DNM3: variants seen among roughly 807,000 people sequenced by gnomAD.
DNM3 encodes the protein dynamin-3.
In DNM3, 47 loss-of-function variants were observed where a neutral mutation model predicts 101.6. The observed-to-expected ratio is 0.46, with a 90% CI of 0.37 to 0.59. The LOEUF (loss-of-function observed/expected upper bound fraction) is 0.59. Ranked by LOEUF, DNM3 falls within the 20% of genes least tolerant of loss-of-function variation. DNM3 has a pLI of 0.00. For missense variants in DNM3, 849 were observed against 1,085.7 expected (o/e 0.78, Z 3.06); for synonymous variants, 385 against 387.9 (o/e 0.99, Z 0.09).
chr1:172,412,551 T>C lies in DNM3; in HGVS notation c.*4710T>C. On this transcript the variant is annotated 3_prime_UTR_variant, in exon 21 of 21. Transcript: ENST00000627582. ...AATATGAGCCGGATACTTTCCACTG[T>C]CTTCTTGGCACTTTCAGGATTTCTT... 1.0e-6 allele frequency: 1 copy of C among 985,798 alleles called. No homozygotes were observed. Among genetic ancestry groups the C allele is most frequent in the Non-Finnish European group, 1.2e-6 (1 of 829,866 alleles). The allele number at this position is 985,798 out of a possible 1,614,324, so 61.1% of individuals were successfully genotyped here.
chr1:172,369,572 C>T (rs530006247), intron 17 of DNM3, among the ~76,000 whole-genome samples: 2 of 152,006 alleles, frequency 1.3e-5, no homozygotes, highest in South Asian at 4.2e-4. Context: ...ACAATGATGT[C>T]CACTTTCTCT....
Position 172,379,202 on chromosome 1 carries a change from C to G in DNM3, c.2058+20C>G. 1 of 1,575,090 alleles carries G rather than the reference C, an allele frequency of 6.3e-7. No homozygotes were observed. Among genetic ancestry groups the G allele is most frequent in the Non-Finnish European group, 8.7e-7 (1 of 1,155,650 alleles). On this transcript the variant is annotated intron_variant, in intron 18 of 20. Transcript: ENST00000627582. ...AATAACGTAAGTGATTATAAACTAC[C>G]TCCATTTAACTTCTAACCCATCCGA... is the stretch of plus-strand genomic sequence containing the variant.
chr1:172,016,140 T>C (rs899928924), intron 4 of DNM3, among the ~76,000 whole-genome samples: 1 of 151,452 alleles, frequency 6.6e-6, no homozygotes, highest in Non-Finnish European at 1.5e-5. Flanking sequence ...TGAGCCAAGA[T>C]TGTGCCACTG....
chr1:172,255,689 C>A (rs1553210776), intron 15 of DNM3, among the ~76,000 whole-genome samples: 1 of 152,050 alleles, frequency 6.6e-6, no homozygotes, highest in Non-Finnish European at 1.5e-5. Flanking sequence ...TATAGATGTA[C>A]CCACATTGGC....
chr1:172,098,039 A>C, intron 13 of DNM3, among the ~76,000 whole-genome samples: 1 of 152,322 alleles, frequency 6.6e-6, no homozygotes, highest in African/African-American at 2.4e-5. Flanking sequence ...CCACAGGACC[A>C]GGGTGAAATT....
chr1:171,955,814 G>A (rs1428772355), intron 2 of DNM3, among the ~76,000 whole-genome samples: 1 of 152,098 alleles, frequency 6.6e-6, no homozygotes, highest in African/African-American at 2.4e-5. Flanking sequence ...GAGGTTTAAT[G>A]GACTCATAGT....
intron 17 of DNM3, among the ~76,000 whole-genome samples, chr1:172,346,261 G>C (rs1197660389): frequency 1.3e-5 from 2 of 152,130 alleles, no homozygotes; most frequent in South Asian, 2.1e-4. Flanking sequence ...ATCCCAGACA[G>C]AGTAACAGTA....
At chr1:172,220,542 G>A (rs555145401) in intron 14 of DNM3, among the ~76,000 whole-genome samples, 77 of 152,240 alleles carry the variant, frequency 5.1e-4, no homozygotes, top group African/African-American at 1.8e-3. Context: ...TGACAGATGA[G>A]CTTTATATTT....
chr1:172,077,256 CA>C (rs1296479885), intron 11 of DNM3, among the ~76,000 whole-genome samples: 3 of 151,306 alleles, frequency 2.0e-5, no homozygotes, highest in Admixed American at 6.6e-5. Context: ...TTAATCTTTT[CA>C]AAAAAAACAG....
chr1:171,842,001 T>C (rs1369522761), intron 1 of DNM3, among the ~76,000 whole-genome samples, 184 bp downstream of exon 1: 1 of 152,068 alleles, frequency 6.6e-6, no homozygotes, highest in Admixed American at 6.5e-5. Context: ...CCTCCAGCTC[T>C]GGGCATCCTC....
rs79435403 is a variant in DNM3, at chr1:171,898,944, G to A, written c.162-22804G>A. Among the ~76,000 whole-genome samples the A allele has an allele frequency of 6.2e-3, 937 of 152,264 alleles. 4 individuals are homozygous for A. Among genetic ancestry groups the A allele is most frequent in the Middle Eastern group, 0.01 (3 of 294 alleles). On this transcript the variant is annotated intron_variant, in intron 1 of 20. Transcript: ENST00000627582. ...AGGTTATGCATTTGACTTTTTACAA[G>A]AAAGGGGTGATGAGTAGTATTTGAA...
rs537615126 is a variant in DNM3, at chr1:172,233,420, T to G, written c.1660-20153T>G. On this transcript the variant is annotated intron_variant, in intron 14 of 20. Coordinates refer to ENST00000627582, the MANE Select transcript of DNM3 (RefSeq NM_015569.5). ...TCAATAGCTTACCAACCAAAAAAAG[T>G]CCAGGACCAGACAGATTCACAACCG... Among the ~76,000 whole-genome samples, 768 of 152,060 alleles carry G rather than the reference T, an allele frequency of 5.1e-3. 4 individuals carry two copies. The highest frequency in any genetic ancestry group is 0.017 in the African/African-American group (723 of 41,458).
intron 4 of DNM3, among the ~76,000 whole-genome samples, chr1:172,019,542 C>A (rs1482815192): frequency 6.6e-6 from 1 of 151,478 alleles, no homozygotes; most frequent in African/African-American, 2.4e-5. Flanking sequence ...GGGGGGAATT[C>A]TCAGTCATTA....
intron 17 of DNM3, chr1:172,338,911 A>G (rs895613056): frequency 1.4e-5 from 6 of 418,394 alleles, no homozygotes; most frequent in African/African-American, 1.2e-4. Flanking sequence ...TTGTTTGTGC[A>G]GGTGTATAGT....
intron 17 of DNM3, among the ~76,000 whole-genome samples, chr1:172,358,245 C>T (rs749726345): frequency 7.9e-5 from 12 of 151,866 alleles, no homozygotes; most frequent in Non-Finnish European, 1.8e-4. Flanking sequence ...CAAGAATGTG[C>T]GCGTGTGTAT....
chr1:172,316,754 C>A (rs2065382862), intron 16 of DNM3, among the ~76,000 whole-genome samples: 1 of 152,064 alleles, frequency 6.6e-6, no homozygotes. Context: ...CCTGAGTGAC[C>A]TACAAAGAGA....
chr1:171,985,351 C>T (rs1360240637), intron 2 of DNM3, among the ~76,000 whole-genome samples: 1 of 152,112 alleles, frequency 6.6e-6, no homozygotes, highest in Non-Finnish European at 1.5e-5. Flanking sequence ...CTCTACTTAT[C>T]TATATACTCT....
At chr1:172,101,691 A>G (rs1165821430) in intron 13 of DNM3, among the ~76,000 whole-genome samples, 2 of 152,144 alleles carry the variant, frequency 1.3e-5, no homozygotes, top group Non-Finnish European at 2.9e-5. Flanking sequence ...CCAGTCACAC[A>G]GATCATAAAT....
intron 2 of DNM3, among the ~76,000 whole-genome samples, chr1:171,983,206 G>A (rs1431658049): frequency 1.3e-5 from 2 of 152,012 alleles, no homozygotes; most frequent in Admixed American, 6.5e-5. Context: ...TATAATCCCA[G>A]CACTTTCAGA....
Sources: gnomAD v4.1 joint callset for allele counts (sites outside exome capture counted in the v4.1 genomes callset) on GRCh38, gnomAD v4.1.1 for gene constraint, MANE v1.5 for transcripts, NCBI Gene and HGNC (gene_info 2026-07-23, HGNC 2026-07-21) for gene names.